Variants in PECAM1 observed in about 807,000 individuals in gnomAD.
The protein encoded by PECAM1 is platelet endothelial cell adhesion molecule.
A neutral mutation model predicts 13.8 loss-of-function variants in PECAM1; 8 were observed. The observed-to-expected ratio is 0.58, with a 90% confidence interval of 0.34 to 1.05. The LOEUF (loss-of-function observed/expected upper bound fraction) is 1.05, where lower values mean the gene tolerates loss of function less well. Among genes scored for constraint, PECAM1 ranks in the 50% least tolerant of loss-of-function variants. PECAM1 has a pLI of 0.03. For synonymous variants in PECAM1, 136 were observed against 52.6 expected, an observed-to-expected ratio of 2.58 and a Z score of -6.86; for missense variants, 304 against 141.2, an observed-to-expected ratio of 2.15 and a Z score of -5.84.
At chr17:64,374,083 C>T (rs911399241) in intron 4 of PECAM1, among the ~76,000 whole-genome samples, 4 of 152,142 alleles carry the variant, frequency 2.6e-5, no homozygotes, top group Non-Finnish European at 5.9e-5. Flanking sequence ...TCTTTCCTCC[C>T]GATCCCCTCC....
At position 64,321,302 on chromosome 17, in the gene PECAM1, C is replaced by T. The variant is rs908954949; in HGVS notation, c.*2514G>A. On this transcript the variant is annotated 3_prime_UTR_variant, in exon 16 of 16. Coordinates refer to ENST00000563924, the MANE Select transcript of PECAM1 (RefSeq NM_000442.5). ...TGGAGTGGGTGCTCCTGGGATGCTT[C>T]AGGTTTAGACACCGGGGTTACGGCA... 1 of 363,668 alleles carries T rather than the reference C, an allele frequency of 2.7e-6. No homozygotes were observed. The highest frequency in any genetic ancestry group is 3.8e-6 in the Non-Finnish European group (1 of 261,804). The allele number at this position is 363,668 out of a possible 1,614,324, so 22.5% of individuals were successfully genotyped here. A position where few individuals can be genotyped will look rare whatever the true frequency, so the allele number is the denominator to read the frequency against.
rs1471232081 is a variant in PECAM1, at chr17:64,319,558, T to C, written c.*4258A>G. ...TTGGGGTTTTATGTATTTGGCATAG[T>C]TCTGGGATTTACGTCTCATCTCCCC... On this transcript the variant is annotated 3_prime_UTR_variant, in exon 16 of 16. Coordinates refer to ENST00000563924, the MANE Select transcript of PECAM1 (RefSeq NM_000442.5). The C allele has an allele frequency of 1.3e-5, 2 of 152,142 alleles. No homozygotes were observed. Among genetic ancestry groups the C allele is most frequent in the African/African-American group, 4.8e-5 (2 of 41,408 alleles). The allele number at this position is 152,142 out of a possible 1,614,324, so 9.4% of individuals were successfully genotyped here.
At chr17:64,372,174 C>T (rs1411236176) in intron 4 of PECAM1, among the ~76,000 whole-genome samples, 4 of 151,718 alleles carry the variant, frequency 2.6e-5, no homozygotes, top group East Asian at 1.9e-4. Flanking sequence ...TTTGGGAGGC[C>T]GAGATGGGAG....
At chr17:64,340,650 C>T (rs906435416) in intron 14 of PECAM1, among the ~76,000 whole-genome samples, 3 of 152,084 alleles carry the variant, frequency 2.0e-5, no homozygotes, top group South Asian at 2.1e-4. Context: ...CCCCCAGTTC[C>T]AGGTCTGCTT....
intron 14 of PECAM1, among the ~76,000 whole-genome samples, chr17:64,331,761 C>A (rs1555646766): frequency 6.6e-6 from 1 of 152,230 alleles, no homozygotes; most frequent in Non-Finnish European, 1.5e-5. Flanking sequence ...GGGCAGATCC[C>A]CAAACAGCTG....
chr17:64,373,068 C>T (rs1016209468), intron 4 of PECAM1, among the ~76,000 whole-genome samples: 9 of 151,112 alleles, frequency 6.0e-5, no homozygotes, highest in Non-Finnish European at 1.0e-4. Flanking sequence ...GCTGAGATTG[C>T]GCCACTGTAC....
intron 3 of PECAM1, 189 bp downstream of exon 3, chr17:64,377,635 A>AGGAAGGAAGGAAGGAC: frequency 2.5e-6 from 1 of 397,368 alleles, no homozygotes; most frequent in Non-Finnish European, 4.5e-6. Context: ...GAAGGAAGGA[A>AGGAAGGAAGGAAGGAC]GGAAGGGCCT....
chr17:64,332,212 G>C (rs2035141614), intron 14 of PECAM1, among the ~76,000 whole-genome samples: 1 of 152,086 alleles, frequency 6.6e-6, no homozygotes, highest in Admixed American at 6.6e-5. Flanking sequence ...GCCAAATGAT[G>C]AATCAGCCCA....
At chr17:64,336,937 GAAAAGGAAAGAAAGGA>G (rs1279159424) in intron 14 of PECAM1, among the ~76,000 whole-genome samples, 17 of 149,954 alleles carry the variant, frequency 1.1e-4, no homozygotes, top group Admixed American at 6.7e-4. Flanking sequence ...GGAGGAAAGA[GAAAAGGAAAGAAAGGA>G]AAAAGGAAAG....
intron 13 of PECAM1, among the ~76,000 whole-genome samples, chr17:64,342,053 G>A (rs2143734623): frequency 6.6e-6 from 1 of 152,048 alleles, no homozygotes; most frequent in South Asian, 2.1e-4. Context: ...CGAGAGCTAA[G>A]GGACGAGAAT....
intron 4 of PECAM1, among the ~76,000 whole-genome samples, chr17:64,373,352 A>T (rs2036284675): frequency 6.6e-6 from 1 of 152,074 alleles, no homozygotes; most frequent in Admixed American, 6.6e-5. Context: ...CAAGCCCAGG[A>T]GTTTGAGGGT....
At chr17:64,373,152 A>AATAAAT (rs2036281531) in intron 4 of PECAM1, among the ~76,000 whole-genome samples, 8 of 120,024 alleles carry the variant, frequency 6.7e-5, no homozygotes, top group East Asian at 2.6e-4. Context: ...AATAAAAAAA[A>AATAAAT]AAGAAAATGC....
chr17:64,331,513 G>A (rs1448061452), intron 14 of PECAM1, among the ~76,000 whole-genome samples: 1 of 152,230 alleles, frequency 6.6e-6, no homozygotes, highest in Non-Finnish European at 1.5e-5. Context: ...CAGGCGCCAT[G>A]CTGTGTTTGC....
intron 10 of PECAM1, among the ~76,000 whole-genome samples, chr17:64,353,055 G>T (rs1270692722): frequency 2.6e-5 from 4 of 151,958 alleles, no homozygotes; most frequent in Admixed American, 6.6e-5. Flanking sequence ...CTTATCCCAC[G>T]CTACTGTTTC....
At position 64,349,742 on chromosome 17, in the gene PECAM1, G is replaced by T. The variant is rs200935303; in HGVS notation, c.2044+638C>A. The stretch of plus-strand genomic sequence containing the variant: ...TCTAGTAAAAATACAAAAATTAGCC[G>T]GGCGTGGTGGCAGGCGCCTGTAGTC... On this transcript the variant is annotated intron_variant, in intron 12 of 15. Transcript: ENST00000563924. Among the ~76,000 whole-genome samples the T allele has an allele frequency of 1.5e-4, 23 of 151,986 alleles. 1 individual carries two copies. The East Asian group carries it at 4.5e-3, about 29-fold the overall frequency.
At chr17:64,348,407 CTTTTTTT>C (rs869282884) in intron 12 of PECAM1, 85 bp from the exon 13 acceptor site, 7 of 296,224 alleles carry the variant, frequency 2.4e-5, no homozygotes, top group African/African-American at 7.9e-5. Context: ...ACTTTCTTTT[CTTTTTTT>C]TTTTTTTTTT....
intron 14 of PECAM1, among the ~76,000 whole-genome samples, chr17:64,338,385 A>G (rs2035339692): frequency 6.6e-6 from 1 of 151,210 alleles, no homozygotes; most frequent in Non-Finnish European, 1.5e-5. Context: ...CAGCCCTAAA[A>G]GCAGAAACTC....
At chr17:64,352,659 CTT>C (rs1194634725) in intron 10 of PECAM1, among the ~76,000 whole-genome samples, 196 bp from the exon 11 acceptor site, 10,605 of 146,064 alleles carry the variant, frequency 0.073, 1,186 homozygotes, top group African/African-American at 0.24. Context: ...TGTAAAAAAA[CTT>C]TTTTTTTTTT....
chr17:64,378,149 C>T (rs1272127072), intron 2 of PECAM1, 32 bp from the exon 3 acceptor site: 2 of 466,208 alleles, frequency 4.3e-6, no homozygotes, highest in African/African-American at 4.0e-5. Flanking sequence ...GCAGACATAC[C>T]TGTTATCTCA....
Sources: allele counts gnomAD v4.1 joint callset (sites outside exome capture counted in the v4.1 genomes callset), GRCh38; gene constraint gnomAD v4.1.1; transcripts MANE v1.5; gene names NCBI Gene and HGNC (gene_info 2026-07-23, HGNC 2026-07-21).